PLA2G12A: variants seen among roughly 807,000 people sequenced by gnomAD.
The protein encoded by PLA2G12A is group XIIA secretory phospholipase A2.
In PLA2G12A, 11 loss-of-function variants were observed where a neutral mutation model predicts 16.0. The ratio of observed to expected loss-of-function variants is 0.69; its 90% CI spans 0.43 to 1.13. The LOEUF (loss-of-function observed/expected upper bound fraction) is 1.13, where lower values mean the gene tolerates loss of function less well. Among genes scored for constraint, PLA2G12A ranks in the 50% most tolerant of loss-of-function variants. The probability of loss-of-function intolerance (pLI) is 0.00; values close to 1 mark genes in which losing one functional copy is unlikely to be tolerated. For missense variants in PLA2G12A, 214 were observed against 237.3 expected, an observed-to-expected ratio of 0.90 and a Z score of 0.65; for synonymous variants, 77 against 93.8, an observed-to-expected ratio of 0.82 and a Z score of 1.03.
intron 1 of PLA2G12A, among the ~76,000 whole-genome samples, chr4:109,723,682 G>C (rs1227975175): frequency 6.6e-6 from 1 of 152,172 alleles, no homozygotes; most frequent in Admixed American, 6.5e-5. Flanking sequence ...TTCGTCAGGG[G>C]TTTTGACAAT....
At chr4:109,717,856 T>A in intron 2 of PLA2G12A, 143 bp from the exon 3 acceptor site, 1 of 855,144 alleles carries the variant, frequency 1.2e-6, no homozygotes, top group Non-Finnish European at 1.8e-6. Context: ...ACAAATATTT[T>A]CTGTGTTATA....
rs527520711 is a variant in PLA2G12A at position 109,719,420 on chromosome 4, G to A, written c.209-661C>T. ...TTAGGAGGGATACTTGATGAACTAC[G>A]GTACTCCAGAAGTACTGTAGTTCTA... On this transcript the variant is annotated intron_variant, in intron 1 of 3. Transcript: ENST00000243501. Among the ~76,000 whole-genome samples, 32 of 151,762 alleles carry A rather than the reference G, an allele frequency of 2.1e-4. 1 individual carries two copies. The highest frequency in any genetic ancestry group is 2.1e-4 in the South Asian group (1 of 4,798).
chr4:109,710,374 G>A lies in PLA2G12A; in HGVS notation c.*4003C>T, dbSNP rs913229590. 2.0e-5 allele frequency: 3 copies of A among 152,214 alleles called. No individual in the cohort carries two copies. The highest frequency in any genetic ancestry group is 4.4e-5 in the Non-Finnish European group (3 of 68,032). 9.4% of individuals were successfully genotyped at this position (152,214 alleles called of 1,614,324 possible). A position where few individuals can be genotyped will look rare whatever the true frequency, so the allele number is the denominator to read the frequency against. ...ACTAGGATAAAATAATGAGCATTGT[G>A]CATCGCACCTTCTGATAATCTCATA... On this transcript the variant is annotated 3_prime_UTR_variant, in exon 4 of 4. Transcript: ENST00000243501.
At position 109,714,335 on chromosome 4, in the gene PLA2G12A, T is replaced by G; in HGVS notation, c.*42A>C. 2 of 1,234,096 alleles carry G rather than the reference T, an allele frequency of 1.6e-6. No homozygotes were observed. Among genetic ancestry groups the G allele is most frequent in the Non-Finnish European group, 2.4e-6 (2 of 836,474 alleles). 76.4% of individuals were successfully genotyped at this position (1,234,096 alleles called of 1,614,324 possible). Reference sequence around the variant, plus strand: ...AAACATTAGTTATTTGTCAAAGGTATGTTCTTCCATCTTCATCTGTCACTA... The same window carrying G: ...AAACATTAGTTATTTGTCAAAGGTAGGTTCTTCCATCTTCATCTGTCACTA... On this transcript the variant is annotated 3_prime_UTR_variant, in exon 4 of 4. Transcript: ENST00000243501.
At chr4:109,720,470 C>T (rs573106570) in intron 1 of PLA2G12A, among the ~76,000 whole-genome samples, 250 of 148,104 alleles carry the variant, frequency 1.7e-3, no homozygotes, top group African/African-American at 5.5e-3. Context: ...TTTGGCTGGG[C>T]GTGGTGGCTC....
intron 1 of PLA2G12A, among the ~76,000 whole-genome samples, chr4:109,723,897 C>G (rs1263865831): frequency 6.6e-6 from 1 of 152,148 alleles, no homozygotes; most frequent in Non-Finnish European, 1.5e-5. Context: ...AAAAAAGTGT[C>G]TAGTGGTTAA....
At chr4:109,723,450 G>C (rs1308393247) in intron 1 of PLA2G12A, among the ~76,000 whole-genome samples, 1 of 152,136 alleles carries the variant, frequency 6.6e-6, no homozygotes, top group Non-Finnish European at 1.5e-5. Flanking sequence ...ATATTAATCA[G>C]GACAGAGGTC....
At chr4:109,721,143 T>A (rs1317933921) in intron 1 of PLA2G12A, among the ~76,000 whole-genome samples, 2 of 152,126 alleles carry the variant, frequency 1.3e-5, no homozygotes, top group Non-Finnish European at 2.9e-5. Flanking sequence ...AAGGAATGGT[T>A]AAGATGAGTC....
In PLA2G12A at chr4:109,730,025, T is replaced by G. The variant is rs996738510; in HGVS notation, c.-216A>C. The G allele has an allele frequency of 2.1e-6, 1 of 485,978 alleles. No homozygotes were observed. The highest frequency in any genetic ancestry group is 3.0e-5 in the South Asian group (1 of 33,590). The allele number at this position is 485,978 out of a possible 1,614,324, so 30.1% of individuals were successfully genotyped here. A position where few individuals can be genotyped will look rare whatever the true frequency, so the allele number is the denominator to read the frequency against. On this transcript the variant is annotated 5_prime_UTR_variant, in exon 1 of 4. Coordinates refer to ENST00000243501, the MANE Select transcript of PLA2G12A (RefSeq NM_030821.5). Reference sequence around the variant, plus strand: ...CGTCGCGGGGACGCGCCCGCTCACCTGGACCAGCGCGCCCGCTCACCTGGG... The same window carrying G: ...CGTCGCGGGGACGCGCCCGCTCACCGGGACCAGCGCGCCCGCTCACCTGGG...
At chr4:109,717,818 TAG>T in intron 2 of PLA2G12A, 105 bp from the exon 3 acceptor site, 1 of 1,119,960 alleles carries the variant, frequency 8.9e-7, no homozygotes, top group African/African-American at 1.6e-5. Context: ...GACTGCTGTA[TAG>T]ATAGTTCCAA....
rs1199392943 is a variant in PLA2G12A, at chr4:109,712,314, C to A, written c.*2063G>T. On this transcript the variant is annotated 3_prime_UTR_variant, in exon 4 of 4. Transcript: ENST00000243501. ...CTTTTCTGTAAATCTAAAATTATCCCAAGTTTTTTTTTTTAATCTGAACAT... is the reference window on the plus strand; with the variant it reads ...CTTTTCTGTAAATCTAAAATTATCCAAAGTTTTTTTTTTTAATCTGAACAT... 1 of 151,982 alleles carries A rather than the reference C, an allele frequency of 6.6e-6. No homozygotes were observed. Among genetic ancestry groups the A allele is most frequent in the Non-Finnish European group, 1.5e-5 (1 of 68,010 alleles). 9.4% of individuals were successfully genotyped at this position (151,982 alleles called of 1,614,324 possible). A position where few individuals can be genotyped will look rare whatever the true frequency, so the allele number is the denominator to read the frequency against.
Position 109,713,472 on chromosome 4 carries a change from T to C in PLA2G12A, c.*905A>G, listed in dbSNP as rs1254355570. ...ACAGTTAGTAAAAGGTTACAGTCTT[T>C]AAAAAATCTACAATAAGGAACAAGT... is the stretch of plus-strand genomic sequence containing the variant. On this transcript the variant is annotated 3_prime_UTR_variant, in exon 4 of 4. Coordinates refer to ENST00000243501, the MANE Select transcript of PLA2G12A (RefSeq NM_030821.5). 3.3e-5 allele frequency: 5 copies of C among 152,182 alleles called. No individual in the cohort carries two copies. Among genetic ancestry groups the C allele is most frequent in the Non-Finnish European group, 5.9e-5 (4 of 68,020 alleles). 9.4% of individuals were successfully genotyped at this position (152,182 alleles called of 1,614,324 possible).
intron 1 of PLA2G12A, among the ~76,000 whole-genome samples, chr4:109,720,602 A>AAAAAAAAAT (rs1730917335): frequency 4.5e-5 from 1 of 21,990 alleles, no homozygotes; most frequent in Non-Finnish European, 8.3e-5. Context: ...AAAAAAAAAA[A>AAAAAAAAAT]AAATATATAT....
At position 109,712,423 on chromosome 4, in the gene PLA2G12A, A is replaced by G. The variant is rs1730750740; in HGVS notation, c.*1954T>C. ...GATATTGAGTTTGTCCTTTTGAGAA[A>G]GCCAATGCTGCTAACAAAATCCATG... On this transcript the variant is annotated 3_prime_UTR_variant, in exon 4 of 4. Transcript: ENST00000243501. 6.6e-6 allele frequency: 1 copy of G among 152,228 alleles called. No individual in the cohort carries two copies. 9.4% of individuals were successfully genotyped at this position (152,228 alleles called of 1,614,324 possible).
In PLA2G12A at chr4:109,729,147, G is replaced by GA. The variant is rs911159573; in HGVS notation, c.208+454dup. On this transcript the variant is annotated intron_variant, in intron 1 of 3. Transcript: ENST00000243501. Reference sequence around the variant, plus strand: ...GCAAGTTATTGTCTATGGGTTTGCAGAAAAAAAACCATTTAATATCAATTA... The same window carrying GA: ...GCAAGTTATTGTCTATGGGTTTGCAGAAAAAAAAACCATTTAATATCAATTA... 1.2e-4 allele frequency among the ~76,000 whole-genome samples: 18 copies of GA among 151,800 alleles called. No homozygotes were observed. In the South Asian group the frequency reaches 1.2e-3, roughly 11 times the overall value.
In PLA2G12A at chr4:109,713,520, A is replaced by AT. The variant is rs1470167244; in HGVS notation, c.*856dup. 2 of 152,274 alleles carry AT rather than the reference A, an allele frequency of 1.3e-5. No homozygotes were observed. The highest frequency in any genetic ancestry group is 2.9e-5 in the Non-Finnish European group (2 of 68,040). 9.4% of individuals were successfully genotyped at this position (152,274 alleles called of 1,614,324 possible). ...AGTGCTGGGAAATAAATAACAAAGCATAACAGCAAATAGTGCCTTGATATA... is the reference window on the plus strand; with the variant it reads ...AGTGCTGGGAAATAAATAACAAAGCATTAACAGCAAATAGTGCCTTGATATA... On this transcript the variant is annotated 3_prime_UTR_variant, in exon 4 of 4. Coordinates refer to ENST00000243501, the MANE Select transcript of PLA2G12A (RefSeq NM_030821.5).
At chr4:109,719,584 T>C (rs1730886074) in intron 1 of PLA2G12A, among the ~76,000 whole-genome samples, 1 of 152,210 alleles carries the variant, frequency 6.6e-6, no homozygotes, top group African/African-American at 2.4e-5. Context: ...CCTCACCTCA[T>C]TTAATACAGG....
intron 2 of PLA2G12A, 28 bp from the exon 3 acceptor site, chr4:109,717,741 G>A: frequency 6.2e-7 from 1 of 1,604,920 alleles, no homozygotes; most frequent in Non-Finnish European, 8.5e-7. Context: ...ATGGATTACT[G>A]TCAATGAAAT....
intron 1 of PLA2G12A, among the ~76,000 whole-genome samples, chr4:109,728,983 T>C (rs1331148026): frequency 6.6e-6 from 1 of 152,080 alleles, no homozygotes; most frequent in Non-Finnish European, 1.5e-5. Flanking sequence ...GTTCAAAAAA[T>C]ATTAAAAGAG....
Sources: allele counts gnomAD v4.1 joint callset (sites outside exome capture counted in the v4.1 genomes callset), GRCh38; gene constraint gnomAD v4.1.1; transcripts MANE v1.5; gene names NCBI Gene and HGNC (gene_info 2026-07-23, HGNC 2026-07-21).